Variants in PTPRN2 observed in about 807,000 individuals in gnomAD.
PTPRN2 encodes protein tyrosine phosphatase receptor type N2.
A neutral mutation model predicts 118.8 loss-of-function variants in PTPRN2; 74 were observed. The ratio of observed to expected loss-of-function variants is 0.62; its 90% confidence interval spans 0.52 to 0.76. PTPRN2 has a LOEUF of 0.76. Among genes scored for constraint, PTPRN2 ranks in the 30% least tolerant of loss-of-function variants. The pLI, the probability that PTPRN2 is intolerant of heterozygous loss-of-function variation, is 0.00. For missense variants in PTPRN2, 1,481 were observed against 1,394.4 expected (o/e 1.06, Z -0.99); for synonymous variants, 641 against 608.0 (o/e 1.05, Z -0.80).
intron 2 of PTPRN2, among the ~76,000 whole-genome samples, chr7:158,329,520 G>A (rs1803957588): frequency 6.6e-6 from 1 of 152,162 alleles, no homozygotes; most frequent in African/African-American, 2.4e-5. Flanking sequence ...GCCACATGAG[G>A]ACACGTGAGG....
intron 10 of PTPRN2, among the ~76,000 whole-genome samples, chr7:158,109,376 CCT>C (rs1816000076): frequency 4.0e-5 from 6 of 150,768 alleles, no homozygotes. Context: ...TGACATCACC[CCT>C]GTGTGAAGGA....
chr7:158,081,333 T>C lies in PTPRN2; in HGVS notation c.1688A>G (p.Gln563Arg), dbSNP rs757992734. 8.7e-6 allele frequency: 14 copies of C among 1,614,110 alleles called. No homozygotes were observed. The South Asian group carries it at 1.5e-4, about 18-fold the overall frequency. Residue 563 changes from glutamine (Q) to arginine (R), a missense_variant, in exon 11 of 23, where the codon CAA becomes CGA. Gln to Arg is a conservative substitution (Grantham distance 43). Transcript: ENST00000389418. ...AVTFKVSANV[Q>R]NVTTEDVEKA... ...CTCCACATCCTCAGTGGTCACGTTT[T>C]GGACATTGGCGCTCACTTTGAAGGT...
intron 21 of PTPRN2, among the ~76,000 whole-genome samples, chr7:157,555,042 C>T (rs1027210555): frequency 3.4e-4 from 50 of 149,204 alleles, no homozygotes; most frequent in Admixed American, 2.0e-3. Context: ...GCTGCACCCT[C>T]GTGCCTGGGA....
At chr7:158,368,955 G>C (rs574183467) in intron 2 of PTPRN2, among the ~76,000 whole-genome samples, 1 of 152,262 alleles carries the variant, frequency 6.6e-6, no homozygotes, top group East Asian at 1.9e-4. Flanking sequence ...GGGCGTTGCC[G>C]AAGGAGATTC....
At chr7:158,071,330 C>G (rs1167296075) in intron 11 of PTPRN2, among the ~76,000 whole-genome samples, 2 of 96,320 alleles carry the variant, frequency 2.1e-5, no homozygotes, top group African/African-American at 9.1e-5. Flanking sequence ...TGGAGGTGCC[C>G]ATGGTGGTGG....
At chr7:157,658,517 G>C (rs974451057) in intron 13 of PTPRN2, among the ~76,000 whole-genome samples, 2 of 152,166 alleles carry the variant, frequency 1.3e-5, no homozygotes, top group East Asian at 3.9e-4. Context: ...ACACGCGGTG[G>C]GCATCCCGAG....
chr7:158,333,897 C>A (rs1341530359), intron 2 of PTPRN2, among the ~76,000 whole-genome samples: 7 of 143,834 alleles, frequency 4.9e-5, no homozygotes, highest in African/African-American at 1.0e-4. Flanking sequence ...TAAGAGCTGA[C>A]ACCCGCAGAC....
intron 10 of PTPRN2, among the ~76,000 whole-genome samples, chr7:158,098,853 G>A (rs990725412): frequency 2.0e-5 from 3 of 151,968 alleles, no homozygotes; most frequent in Non-Finnish European, 4.4e-5. Context: ...GAACGGGGCC[G>A]CGGGGAGGGC....
At chr7:158,169,889 G>C (rs575282367) in intron 5 of PTPRN2, among the ~76,000 whole-genome samples, 2 of 141,338 alleles carry the variant, frequency 1.4e-5, no homozygotes, top group South Asian at 2.3e-4. Flanking sequence ...ATGGGGTTTC[G>C]CCATGTTGGC....
At chr7:158,268,135 G>A (rs1156378067) in intron 3 of PTPRN2, among the ~76,000 whole-genome samples, 1 of 152,216 alleles carries the variant, frequency 6.6e-6, no homozygotes, top group African/African-American at 2.4e-5. Flanking sequence ...AGCTCATTGA[G>A]CCGCCAGCTA....
intron 17 of PTPRN2, among the ~76,000 whole-genome samples, chr7:157,581,498 G>T (rs1336419551): frequency 6.6e-6 from 1 of 152,200 alleles, no homozygotes; most frequent in East Asian, 1.9e-4. Context: ...GTTAAAGCCT[G>T]CTGCCAGGCT....
intron 11 of PTPRN2, among the ~76,000 whole-genome samples, chr7:158,032,169 T>C (rs1190532718): frequency 6.6e-6 from 1 of 152,192 alleles, no homozygotes; most frequent in Non-Finnish European, 1.5e-5. Context: ...AAAAGCCAAA[T>C]GGCATTGCAC....
At chr7:158,514,395 G>A (rs1201439476) in intron 1 of PTPRN2, among the ~76,000 whole-genome samples, 5 of 152,222 alleles carry the variant, frequency 3.3e-5, no homozygotes, top group Non-Finnish European at 7.3e-5. Context: ...TCAGAATGAC[G>A]TGGGCTGCCC....
At chr7:158,275,389 A>G (rs1386344022) in intron 3 of PTPRN2, among the ~76,000 whole-genome samples, 2 of 152,090 alleles carry the variant, frequency 1.3e-5, no homozygotes, top group African/African-American at 4.8e-5. Flanking sequence ...TGTTTTTTCT[A>G]CATTGCCTAG....
chr7:158,573,340 T>A (rs1392523960), intron 1 of PTPRN2, among the ~76,000 whole-genome samples: 1 of 152,188 alleles, frequency 6.6e-6, no homozygotes, highest in Admixed American at 6.5e-5. Flanking sequence ...GATTTTTAAA[T>A]AAAGTCAAAC....
chr7:157,752,685 C>T (rs1252066264), intron 12 of PTPRN2, among the ~76,000 whole-genome samples: 1 of 152,244 alleles, frequency 6.6e-6, no homozygotes, highest in African/African-American at 2.4e-5. Context: ...TTCCGTCTTC[C>T]TGCCCTGATT....
intron 12 of PTPRN2, among the ~76,000 whole-genome samples, chr7:157,799,743 CACG>C (rs1239072402): frequency 6.6e-6 from 1 of 150,892 alleles, no homozygotes; most frequent in African/African-American, 2.5e-5. Flanking sequence ...CACACGGCAT[CACG>C]AACCACCTCC....
chr7:158,296,740 G>A (rs910198259), intron 3 of PTPRN2, among the ~76,000 whole-genome samples: 2 of 152,212 alleles, frequency 1.3e-5, no homozygotes, highest in Non-Finnish European at 2.9e-5. Context: ...GCCCTGTGAG[G>A]GGAATAAGGG....
chr7:158,148,447 T>A (rs1380381460), intron 6 of PTPRN2, among the ~76,000 whole-genome samples: 271 of 121,468 alleles, frequency 2.2e-3, no homozygotes, highest in African/African-American at 9.1e-3. Context: ...TGACACCCCA[T>A]CTCATGCCAC....
Sources: allele counts gnomAD v4.1 joint callset (sites outside exome capture counted in the v4.1 genomes callset), GRCh38; gene constraint gnomAD v4.1.1; transcripts MANE v1.5; gene names NCBI Gene and HGNC (gene_info 2026-07-23, HGNC 2026-07-21).